Variants in TGM7 observed in about 807,000 individuals in gnomAD.
TGM7 encodes protein-glutamine gamma-glutamyltransferase Z.
Under a neutral mutation model 79.5 loss-of-function variants are expected in TGM7, and 74 were observed. The observed-to-expected ratio is 0.93, with a 90% CI of 0.77 to 1.13. TGM7 has a LOEUF of 1.13. TGM7 is among the 50% of genes most tolerant of loss of function. The probability of loss-of-function intolerance (pLI) is 0.00; values close to 1 mark genes in which losing one functional copy is unlikely to be tolerated. For missense variants in TGM7, 912 were observed against 905.9 expected (o/e 1.01, Z -0.09); for synonymous variants, 354 against 362.5 (o/e 0.98, Z 0.27).
intron 1 of TGM7, among the ~76,000 whole-genome samples, chr15:43,299,675 C>T (rs1555386206): frequency 6.6e-6 from 1 of 152,178 alleles, no homozygotes; most frequent in Non-Finnish European, 1.5e-5. Context: ...GGACTCAGCT[C>T]CTTCCATTCT....
chr15:43,281,895 C>A lies in TGM7; in HGVS notation c.1300G>T (p.Val434Leu). 6 of 1,614,224 alleles carry A rather than the reference C, an allele frequency of 3.7e-6. No homozygotes were observed. Among genetic ancestry groups the A allele is most frequent in the Non-Finnish European group, 5.1e-6 (6 of 1,180,032 alleles). The change falls in exon 9 of 13, where the codon GTG (valine) becomes TTG (leucine). Residue 434 changes from valine to leucine, a missense_variant. Val to Leu is a conservative substitution (Grantham distance 32). Transcript: ENST00000452443. ...ATGCTCTGGCGCTGGTCTGACCCCA[C>A]CATCTTAGTGCTGATCTCCTTCCCG... The part of the protein sequence containing the change: ...SIGKEISTKM[V>L]GSDQRQSITS...
intron 6 of TGM7, among the ~76,000 whole-genome samples, chr15:43,285,334 T>G (rs963055359): frequency 7.2e-5 from 11 of 152,124 alleles, no homozygotes; most frequent in African/African-American, 2.4e-4. Flanking sequence ...GGTTTGAGAC[T>G]CAGCCTGGCC....
intron 9 of TGM7, among the ~76,000 whole-genome samples, chr15:43,281,084 A>T (rs1227388147): frequency 6.6e-6 from 1 of 152,150 alleles, no homozygotes; most frequent in East Asian, 1.9e-4. Context: ...ACTTACCCCC[A>T]CCTGTGGACT....
rs76609323 is a variant in TGM7 at position 43,298,085 on chromosome 15, G to C, written c.10+4156C>G. ...ATGTTCTCACCAACCGCCTGAAATG[G>C]AGCTGTTAATATTGTTCCTGACATA... On this transcript the variant is annotated intron_variant, in intron 1 of 12. Transcript: ENST00000452443. Among the ~76,000 whole-genome samples, 916 of 152,328 alleles carry C rather than the reference G, an allele frequency of 6.0e-3. 8 individuals are homozygous for C. Among genetic ancestry groups the C allele is most frequent in the African/African-American group, 0.021 (868 of 41,568 alleles).
At chr15:43,291,712 A>C (rs1410112177) in intron 4 of TGM7, among the ~76,000 whole-genome samples, 1 of 152,224 alleles carries the variant, frequency 6.6e-6, no homozygotes, top group African/African-American at 2.4e-5. Flanking sequence ...AGGTGGGTAC[A>C]GGGAGATCTA....
chr15:43,293,988 C>G (rs1343015486), intron 1 of TGM7, among the ~76,000 whole-genome samples: 3 of 151,278 alleles, frequency 2.0e-5, no homozygotes, highest in African/African-American at 7.3e-5. Flanking sequence ...GGACCTGGAG[C>G]CACAATGATC....
chr15:43,279,271 T>A lies in TGM7; in HGVS notation c.1685A>T (p.Gln562Leu). 1 of 1,613,944 alleles carries A rather than the reference T, an allele frequency of 6.2e-7. No homozygotes were observed. Among genetic ancestry groups the A allele is most frequent in the East Asian group, 2.2e-5 (1 of 44,892 alleles). ...GCTGTAGGGCAGGAGGAGCGGCCAC[T>A]GTGTCTCTAAGCACATACAAAAGAC... ...RMNLDFGKET[Q>L]WPLLLPYSNY... The change falls in exon 11 of 13, where the codon CAG becomes CTG. Residue 562 changes from glutamine (Q) to leucine (L), a missense_variant. Physicochemically the swap from Gln to Leu is moderately radical, Grantham distance 113. Transcript: ENST00000452443.
In TGM7 at chr15:43,276,733, T is replaced by C. The variant is rs879163511; in HGVS notation, c.1974-119A>G. On this transcript the variant is annotated intron_variant, in intron 12 of 12. Transcript: ENST00000452443. The stretch of plus-strand genomic sequence containing the variant: ...CTCACCACCACCACTGAGCTCAGCC[T>C]TTCCTGAGGAGGGTGAGAAAGTGGG... 78 of 1,539,890 alleles carry C rather than the reference T, an allele frequency of 5.1e-5. No individual in the cohort carries two copies. The Middle Eastern group carries it at 1.2e-3, about 23-fold the overall frequency.
intron 9 of TGM7, among the ~76,000 whole-genome samples, chr15:43,280,575 A>ATT (rs1193914050): frequency 2.0e-5 from 3 of 152,032 alleles, no homozygotes; most frequent in Non-Finnish European, 2.9e-5. Context: ...GTGAGCCGAG[A>ATT]TTGCGCCATT....
At position 43,287,089 on chromosome 15, in the gene TGM7, C is replaced by A. The variant is rs1280171042; in HGVS notation, c.865+191G>T. ...ATCAAGGATACTGTGAGATGATTGC[C>A]ACAGGTCAATCCCCCTCTCACATAA... On this transcript the variant is annotated intron_variant, in intron 6 of 12. Transcript: ENST00000452443. 2.0e-5 allele frequency among the ~76,000 whole-genome samples: 3 copies of A among 152,316 alleles called. No individual in the cohort carries two copies. In the East Asian group the frequency reaches 5.8e-4, roughly 29 times the overall value.
In TGM7 at chr15:43,287,518, C is replaced by T. The variant is rs8036632; in HGVS notation, c.687+23G>A. On this transcript the variant is annotated intron_variant, in intron 5 of 12. Coordinates refer to ENST00000452443, the MANE Select transcript of TGM7 (RefSeq NM_052955.3). ...CGGGGAAGCTCAGACTGTCCTCAGA[C>T]GGCGGGAAGCATCCATCCTTACCAT... is the stretch of plus-strand genomic sequence containing the variant. 1,445 of 1,612,698 alleles carry T rather than the reference C, an allele frequency of 9.0e-4. 17 individuals are homozygous for T. In the African/African-American group the frequency reaches 0.017, roughly 19 times the overall value.
At position 43,277,415 on chromosome 15, in the gene TGM7, T is replaced by C. The variant is rs184605181; in HGVS notation, c.1840-420A>G. Among the ~76,000 whole-genome samples the C allele has an allele frequency of 5.3e-3, 803 of 152,296 alleles. 28 individuals are homozygous for C. The highest frequency in any genetic ancestry group is 2.1e-3 in the Non-Finnish European group (140 of 68,022). ...GAAGTGGTGTCGTGTGTGCCACCCATGTGCCATCAGTGATGTCATCCTGCC... is the reference window on the plus strand; with the variant it reads ...GAAGTGGTGTCGTGTGTGCCACCCACGTGCCATCAGTGATGTCATCCTGCC... On this transcript the variant is annotated intron_variant, in intron 11 of 12. Transcript: ENST00000452443.
rs1566841526 is a variant in TGM7, at chr15:43,276,543, C to CG, written c.2044dup (p.Arg682ProfsTer?). 6.2e-7 allele frequency: 1 copy of CG among 1,614,060 alleles called. No individual in the cohort carries two copies. The highest frequency in any genetic ancestry group is 1.7e-5 in the Admixed American group (1 of 60,008). ...GCTGCTGATGAGAACCTGGAGCTGG[C>CG]GGGGTCCAGCTTTGGTCGGGTAGAG... On this transcript the variant is annotated frameshift_variant, in exon 13 of 13. Transcript: ENST00000452443. LOFTEE classifies it high-confidence loss of function.
chr15:43,276,852 C>T lies in TGM7; in HGVS notation c.1973+10G>A, dbSNP rs752789374. 1.9e-5 allele frequency: 31 copies of T among 1,612,822 alleles called. No homozygotes were observed. The Middle Eastern group carries it at 5.0e-4, about 26-fold the overall frequency. On this transcript the variant is annotated intron_variant, in intron 12 of 12. Coordinates refer to ENST00000452443, the MANE Select transcript of TGM7 (RefSeq NM_052955.3). ...CCAGCAAGGGGGAGGTGGGCAGAAG[C>T]GTCACTTACTCCTTTGCTATCTGCC... is the stretch of plus-strand genomic sequence containing the variant.
rs1422519373 is a variant in TGM7, at chr15:43,279,853, C to A, written c.1450G>T (p.Gly484Cys). The A allele has an allele frequency of 6.2e-7, 1 of 1,614,104 alleles. No homozygotes were observed. The highest frequency in any genetic ancestry group is 2.2e-5 in the East Asian group (1 of 44,888). Reference protein sequence around the residue: ...LPFLDLLESGGLRDQPAQLQL... With the variant: ...LPFLDLLESGCLRDQPAQLQL... ...AGCTGCGCTGGCTGATCCCTAAGAC[C>A]CCCAGACTCCAGGAGATCCAGGAAG... is the stretch of plus-strand genomic sequence containing the variant. The change falls in exon 10 of 13, where the codon GGT (glycine) becomes TGT (cysteine). Residue 484 changes from glycine to cysteine, a missense_variant. By Grantham distance (159) the Gly-to-Cys change is radical. Transcript: ENST00000452443.
At chr15:43,276,815 C>A in intron 12 of TGM7, 47 bp downstream of exon 12, 8 of 1,602,592 alleles carry the variant, frequency 5.0e-6, no homozygotes, top group African/African-American at 1.3e-5. Context: ...ATGGGGCACC[C>A]CTTTCCTGAG....
Position 43,276,413 on chromosome 15 carries a change from G to A in TGM7, c.*42C>T, listed in dbSNP as rs79071203. On this transcript the variant is annotated 3_prime_UTR_variant, in exon 13 of 13. Coordinates refer to ENST00000452443, the MANE Select transcript of TGM7 (RefSeq NM_052955.3). The stretch of plus-strand genomic sequence containing the variant: ...CATAGCCAGGAGTAGAAAGGAGCCA[G>A]GTGGGGCAGGGGTGCCAGGGAGGGC... The A allele has an allele frequency of 2.7e-5, 43 of 1,587,028 alleles. No individual in the cohort carries two copies. In the African/African-American group the frequency reaches 5.6e-4, roughly 21 times the overall value.
chr15:43,291,027 C>T (rs1046848675), intron 4 of TGM7, among the ~76,000 whole-genome samples: 3 of 152,192 alleles, frequency 2.0e-5, no homozygotes, highest in African/African-American at 7.2e-5. Flanking sequence ...ACTTTGACTT[C>T]CTCTTTTCCT....
In TGM7 at chr15:43,293,706, C is replaced by T. The variant is rs1596464671; in HGVS notation, c.11-75G>A. On this transcript the variant is annotated intron_variant, in intron 1 of 12. Coordinates refer to ENST00000452443, the MANE Select transcript of TGM7 (RefSeq NM_052955.3). ...CAGGCATCCCTTGTGGCTTCTCAGT[C>T]ATTTCTGGGAGGTGCGGCGGGTGGT... The T allele has an allele frequency of 3.8e-6, 4 of 1,040,666 alleles. No individual in the cohort carries two copies. The East Asian group carries it at 1.6e-4, about 42-fold the overall frequency. 64.5% of individuals were successfully genotyped at this position (1,040,666 alleles called of 1,614,324 possible).
Sources: allele counts gnomAD v4.1 joint callset (sites outside exome capture counted in the v4.1 genomes callset), GRCh38; gene constraint gnomAD v4.1.1; transcripts MANE v1.5; gene names NCBI Gene and HGNC (gene_info 2026-07-23, HGNC 2026-07-21).